The following EIF2AK4 variants were observed in gnomAD, a reference collection of about 807,000 sequenced individuals.
EIF2AK4 encodes eukaryotic translation initiation factor 2 alpha kinase 4.
Under a neutral mutation model 211.1 loss-of-function variants are expected in EIF2AK4, and 139 were observed. The observed-to-expected ratio is 0.66, with a 90% CI of 0.57 to 0.76. The LOEUF is 0.76. EIF2AK4 is among the 30% of genes least tolerant of loss of function. EIF2AK4 has a pLI of 0.00. For synonymous variants in EIF2AK4, 710 were observed against 751.3 expected (o/e 0.94, Z 0.90); for missense variants, 1,664 against 2,043.8 (o/e 0.81, Z 3.58).
chr15:39,934,475 C>A, intron 1 of EIF2AK4, 136 bp downstream of exon 1: 1 of 1,243,392 alleles, frequency 8.0e-7, no homozygotes, highest in Non-Finnish European at 1.1e-6. Flanking sequence ...TCCACCCATG[C>A]TCACTTTAGT....
chr15:40,013,915 G>T (rs965359880), intron 27 of EIF2AK4, among the ~76,000 whole-genome samples: 6 of 152,188 alleles, frequency 3.9e-5, no homozygotes, highest in Admixed American at 3.3e-4. Context: ...AGTCTCATCT[G>T]AAACAAGGCA....
At chr15:40,027,879 G>A (rs2035485664) in intron 33 of EIF2AK4, among the ~76,000 whole-genome samples, 2 of 145,026 alleles carry the variant, frequency 1.4e-5, no homozygotes, top group African/African-American at 4.9e-5. Context: ...GACAGAGCGA[G>A]ACTCTGTCTC....
intron 23 of EIF2AK4, among the ~76,000 whole-genome samples, chr15:40,006,118 G>T (rs1292053631): frequency 6.6e-6 from 1 of 152,128 alleles, no homozygotes; most frequent in Non-Finnish European, 1.5e-5. Context: ...ACTTTTTGGA[G>T]GGGGGAGTGG....
chr15:39,965,032 T>C (rs2034523769), intron 7 of EIF2AK4, among the ~76,000 whole-genome samples: 1 of 152,234 alleles, frequency 6.6e-6, no homozygotes, highest in South Asian at 2.1e-4. Flanking sequence ...GGTATTTAGC[T>C]GTATGAGTGT....
chr15:40,026,006 A>C lies in EIF2AK4; in HGVS notation c.4419A>C (p.Thr1473=). The change falls in exon 33 of 39, where the codon ACA becomes ACC. Residue 1473 remains threonine, a synonymous_variant. Coordinates refer to ENST00000263791, the MANE Select transcript of EIF2AK4 (RefSeq NM_001013703.4). ...KVKSFEKERQ[T]EKRVLETELV... is the part of the protein sequence containing the mutation. Reference sequence around the variant, plus strand: ...AGTCTTTCGAGAAGGAAAGGCAGACAGAGAAGCGTGTGCTGGAGACTGAAC... The same window carrying C: ...AGTCTTTCGAGAAGGAAAGGCAGACCGAGAAGCGTGTGCTGGAGACTGAAC... 1 of 1,614,174 alleles carries C rather than the reference A, an allele frequency of 6.2e-7. No individual in the cohort carries two copies. The highest frequency in any genetic ancestry group is 8.5e-7 in the Non-Finnish European group (1 of 1,180,004).
At chr15:40,024,547 A>C (rs2035439283) in intron 32 of EIF2AK4, among the ~76,000 whole-genome samples, 2 of 150,204 alleles carry the variant, frequency 1.3e-5, no homozygotes, top group South Asian at 4.2e-4. Flanking sequence ...TTATAGGCAC[A>C]CACCACCACA....
Position 40,023,930 on chromosome 15 carries a change from G to A in EIF2AK4, c.4389+1325G>A, listed in dbSNP as rs564843406. Among the ~76,000 whole-genome samples the A allele has an allele frequency of 1.5e-3, 221 of 152,254 alleles. 1 individual carries two copies. Among genetic ancestry groups the A allele is most frequent in the African/African-American group, 5.2e-3 (215 of 41,536 alleles). ...GCCCATAGCCTGCTTTTATATGTCT[G>A]TGAACTAGAAATTTTTACATTCTTT... On this transcript the variant is annotated intron_variant, in intron 32 of 38. Transcript: ENST00000263791.
At chr15:39,964,344 A>G (rs2034513632) in intron 7 of EIF2AK4, among the ~76,000 whole-genome samples, 1 of 152,224 alleles carries the variant, frequency 6.6e-6, no homozygotes, top group Non-Finnish European at 1.5e-5. Flanking sequence ...ATGGAAAACT[A>G]TTATTTATAT....
intron 23 of EIF2AK4, 38 bp downstream of exon 23, chr15:40,003,352 G>C (rs1254418178): frequency 1.9e-6 from 3 of 1,609,932 alleles, no homozygotes; most frequent in Non-Finnish European, 2.5e-6. Flanking sequence ...TCAGAATGCT[G>C]TATCTAGTCA....
intron 15 of EIF2AK4, among the ~76,000 whole-genome samples, chr15:39,988,730 G>T (rs956127794): frequency 1.3e-5 from 2 of 152,174 alleles, no homozygotes; most frequent in South Asian, 2.1e-4. Context: ...GCCAGGTGCG[G>T]TGGCTCATGC....
At chr15:39,964,825 C>CT (rs1458010304) in intron 7 of EIF2AK4, among the ~76,000 whole-genome samples, 3 of 152,232 alleles carry the variant, frequency 2.0e-5, no homozygotes, top group Non-Finnish European at 4.4e-5. Flanking sequence ...TTTCTAGCTT[C>CT]AAATCTAAAC....
At chr15:40,002,021 C>A (rs1316096851) in intron 21 of EIF2AK4, among the ~76,000 whole-genome samples, 4 of 152,186 alleles carry the variant, frequency 2.6e-5, no homozygotes, top group South Asian at 4.1e-4. Flanking sequence ...TTGTTATATT[C>A]TCTATTATGT....
intron 2 of EIF2AK4, among the ~76,000 whole-genome samples, chr15:39,941,249 A>C (rs893686545): frequency 6.6e-6 from 1 of 152,120 alleles, no homozygotes; most frequent in Non-Finnish European, 1.5e-5. Context: ...CTCCCTAAAG[A>C]TCTGGGATGG....
intron 8 of EIF2AK4, among the ~76,000 whole-genome samples, chr15:39,966,991 A>G (rs1198693522): frequency 2.0e-5 from 3 of 152,222 alleles, no homozygotes; most frequent in Non-Finnish European, 4.4e-5. Context: ...TTTAAATTAA[A>G]GTTTGTTTTT....
At chr15:40,020,690 G>GA (rs894456866) in intron 30 of EIF2AK4, 484 of 274,608 alleles carry the variant, frequency 1.8e-3, no homozygotes, top group South Asian at 2.5e-3. Flanking sequence ...CTCTGTCTCA[G>GA]AAAAAAAAAG....
chr15:40,029,274 C>G, intron 33 of EIF2AK4, 132 bp from the exon 34 acceptor site: 1 of 1,375,994 alleles, frequency 7.3e-7, no homozygotes. Flanking sequence ...TTTTGTTTTT[C>G]CACCAATAAC....
At chr15:40,011,597 A>G (rs1451640399) in intron 27 of EIF2AK4, among the ~76,000 whole-genome samples, 1 of 152,150 alleles carries the variant, frequency 6.6e-6, no homozygotes, top group East Asian at 1.9e-4. Context: ...CTCTTTCTTG[A>G]TCAGCAGATA....
Position 40,034,326 on chromosome 15 carries a change from T to A in EIF2AK4, c.4774T>A (p.Trp1592Arg). Residue 1592 changes from tryptophan (W) to arginine (R), a missense_variant and splice_region_variant, in exon 38 of 39, where the codon TGG becomes AGG. By Grantham distance (101) the Trp-to-Arg change is moderately radical. This residue lies in a region of EIF2AK4 where 138 missense variants were observed against 165.1 expected (regional missense o/e 0.84). Coordinates refer to ENST00000263791, the MANE Select transcript of EIF2AK4 (RefSeq NM_001013703.4). ...TAAGTCTTATCTATTTTTTTCCTAGTGGGATGCTGATGAACAGGCATTTAA... is the reference window on the plus strand; with the variant it reads ...TAAGTCTTATCTATTTTTTTCCTAGAGGGATGCTGATGAACAGGCATTTAA... ...ETILQFLSLE[W>R]DADEQAFNTT... 6.2e-7 allele frequency: 1 copy of A among 1,613,364 alleles called. No homozygotes were observed. The highest frequency in any genetic ancestry group is 1.3e-5 in the African/African-American group (1 of 74,988).
rs139536340 is a variant in EIF2AK4, at chr15:39,968,891, T to TATATATATAC, written c.1553+1013_1553+1014insTATATATACA. Among the ~76,000 whole-genome samples, 1,462 of 149,154 alleles carry TATATATATAC rather than the reference T, an allele frequency of 9.8e-3. 28 individuals are homozygous for TATATATATAC. The highest frequency in any genetic ancestry group is 0.034 in the African/African-American group (1,386 of 40,772). ...TGAATATGATATATATATATATATA[T>TATATATATAC]ACACACACATACATACAGTTGTGGA... On this transcript the variant is annotated intron_variant, in intron 9 of 38. Transcript: ENST00000263791.
Sources: allele counts gnomAD v4.1 joint callset (sites outside exome capture counted in the v4.1 genomes callset), GRCh38; gene constraint gnomAD v4.1.1; regional missense constraint gnomAD v4.1.1; transcripts MANE v1.5; gene names NCBI Gene and HGNC (gene_info 2026-07-23, HGNC 2026-07-21).